The following JARID2 variants were observed in gnomAD, a reference collection of about 807,000 sequenced individuals.
JARID2 encodes protein Jumonji.
A neutral mutation model predicts 125.6 loss-of-function variants in JARID2; 21 were observed. The ratio of observed to expected loss-of-function variants is 0.17; its 90% CI spans 0.12 to 0.24. The LOEUF is 0.24. Ranked by LOEUF, JARID2 falls within the 10% of genes least tolerant of loss-of-function variation. The pLI, the probability that JARID2 is intolerant of heterozygous loss-of-function variation, is 1.00. For synonymous variants in JARID2, 736 were observed against 661.6 expected (o/e 1.11, Z -1.73); for missense variants, 1,303 against 1,639.6 (o/e 0.79, Z 3.55).
intron 3 of JARID2, among the ~76,000 whole-genome samples, chr6:15,420,828 G>A (rs781528416): frequency 2.0e-5 from 3 of 152,178 alleles, no homozygotes; most frequent in South Asian, 2.1e-4. Flanking sequence ...AAACCCTTAC[G>A]AGTATTTTAC....
At chr6:15,357,731 A>G (rs1235037230) in intron 1 of JARID2, among the ~76,000 whole-genome samples, 3 of 152,194 alleles carry the variant, frequency 2.0e-5, no homozygotes, top group African/African-American at 7.2e-5. Context: ...GGGATTTTAA[A>G]GAAACTCTTC....
intron 16 of JARID2, among the ~76,000 whole-genome samples, chr6:15,514,575 T>A (rs1434789169): frequency 6.6e-6 from 1 of 152,044 alleles, no homozygotes; most frequent in Non-Finnish European, 1.5e-5. Context: ...TCACCCCGAG[T>A]CCTGGCGTGC....
At chr6:15,492,710 C>G (rs1041000985) in intron 6 of JARID2, among the ~76,000 whole-genome samples, 1 of 152,146 alleles carries the variant, frequency 6.6e-6, no homozygotes, top group Non-Finnish European at 1.5e-5. Flanking sequence ...TCCCCTGTGG[C>G]CTCTCGTGGT....
At chr6:15,309,503 C>T (rs1761943501) in intron 1 of JARID2, among the ~76,000 whole-genome samples, 1 of 151,928 alleles carries the variant, frequency 6.6e-6, no homozygotes, top group South Asian at 2.1e-4. Context: ...AACGTCTGTT[C>T]CGTGCAGTCA....
At chr6:15,417,542 C>T (rs752325097) in intron 3 of JARID2, among the ~76,000 whole-genome samples, 5 of 152,142 alleles carry the variant, frequency 3.3e-5, no homozygotes, top group Non-Finnish European at 7.4e-5. Flanking sequence ...GTTGGAGAGA[C>T]CTGCGTGGGC....
chr6:15,328,726 C>T (rs551529358), intron 1 of JARID2, among the ~76,000 whole-genome samples: 4 of 152,206 alleles, frequency 2.6e-5, no homozygotes, highest in African/African-American at 7.2e-5. Flanking sequence ...GTAAGAGATT[C>T]AGATGGTCAA....
intron 1 of JARID2, among the ~76,000 whole-genome samples, chr6:15,263,969 T>C (rs1405605669): frequency 6.6e-6 from 1 of 152,212 alleles, no homozygotes; most frequent in African/African-American, 2.4e-5. Flanking sequence ...CGCAGCTCAC[T>C]GCAGCCTTAA....
rs1198409549 is a variant in JARID2 at position 15,520,660 on chromosome 6, A to AT, written c.*415dup. 3 of 308,554 alleles carry AT rather than the reference A, an allele frequency of 9.7e-6. No individual in the cohort carries two copies. The highest frequency in any genetic ancestry group is 4.7e-5 in the South Asian group (2 of 42,718). 19.1% of individuals were successfully genotyped at this position (308,554 alleles called of 1,614,324 possible). A position where few individuals can be genotyped will look rare whatever the true frequency, so the allele number is the denominator to read the frequency against. ...TAAAAACCATCAGTCATGTGAGCAG[A>AT]TTTTTTAGAAGGGATAGGAGACACA... On this transcript the variant is annotated 3_prime_UTR_variant, in exon 18 of 18. Coordinates refer to ENST00000341776, the MANE Select transcript of JARID2 (RefSeq NM_004973.4).
chr6:15,460,857 A>G (rs1361748590), intron 4 of JARID2, among the ~76,000 whole-genome samples: 1 of 152,044 alleles, frequency 6.6e-6, no homozygotes, highest in Non-Finnish European at 1.5e-5. Flanking sequence ...GACGTGCCCC[A>G]CCACACCCAG....
chr6:15,371,835 G>C (rs1764181718), intron 1 of JARID2, among the ~76,000 whole-genome samples: 1 of 152,190 alleles, frequency 6.6e-6, no homozygotes, highest in Non-Finnish European at 1.5e-5. Flanking sequence ...GTGGTCTGTG[G>C]ATGTTTTGGC....
chr6:15,316,561 GTC>G (rs1415119139), intron 1 of JARID2, among the ~76,000 whole-genome samples: 3 of 152,082 alleles, frequency 2.0e-5, no homozygotes, highest in Admixed American at 6.5e-5. Context: ...TTGAGATGGA[GTC>G]TCTCTCTGTC....
At chr6:15,366,509 CGGGGGGGGCGGGGGGGGTGGGGGGT>C (rs1763980594) in intron 1 of JARID2, among the ~76,000 whole-genome samples, 2 of 4,876 alleles carry the variant, frequency 4.1e-4, no homozygotes, top group Non-Finnish European at 7.2e-4. Context: ...GGGTGGGGGG[CGGGGGGGGCGGGGGGGGTGGGGGGT>C]GGGGTTGGCA....
At position 15,486,136 on chromosome 6, in the gene JARID2, T is replaced by TC. The variant is rs578221126; in HGVS notation, c.671-1170dup. On this transcript the variant is annotated intron_variant, in intron 5 of 17. Transcript: ENST00000341776. ...GATCACTATAGCTTCCCCTTGCTGA[T>TC]CTGCCTAAAGGCAACCCAGGAACAG... 1.8e-3 allele frequency among the ~76,000 whole-genome samples: 281 copies of TC among 152,334 alleles called. 3 individuals are homozygous for TC. The Middle Eastern group carries it at 0.024, about 13-fold the overall frequency.
At chr6:15,328,485 A>G (rs1762603952) in intron 1 of JARID2, among the ~76,000 whole-genome samples, 1 of 152,194 alleles carries the variant, frequency 6.6e-6, no homozygotes, top group Non-Finnish European at 1.5e-5. Flanking sequence ...AAAACTTATT[A>G]TCATTTAGTG....
At chr6:15,324,478 C>T (rs925108643) in intron 1 of JARID2, 1 of 151,994 alleles carries the variant, frequency 6.6e-6, no homozygotes, top group Non-Finnish European at 1.5e-5. Context: ...AGCACTATGA[C>T]CCCCCTCCTT....
chr6:15,246,680 AAC>A (rs1759193172), intron 1 of JARID2, 96 bp downstream of exon 1: 5 of 1,093,016 alleles, frequency 4.6e-6, no homozygotes, highest in Admixed American at 1.9e-5. Flanking sequence ...AAGGGTTTTA[AAC>A]ACAGCGTCCG....
chr6:15,335,344 C>T (rs1195234266), intron 1 of JARID2, among the ~76,000 whole-genome samples: 1 of 152,176 alleles, frequency 6.6e-6, no homozygotes, highest in Non-Finnish European at 1.5e-5. Flanking sequence ...AAGCGATCTG[C>T]CCACTTCGGC....
intron 1 of JARID2, among the ~76,000 whole-genome samples, chr6:15,335,748 C>G (rs1049042736): frequency 5.9e-5 from 9 of 152,172 alleles, no homozygotes; most frequent in African/African-American, 2.2e-4. Context: ...CTATGTGCTG[C>G]TCAGTGTTTC....
chr6:15,373,490 T>C (rs1764243877), intron 1 of JARID2, among the ~76,000 whole-genome samples: 1 of 152,202 alleles, frequency 6.6e-6, no homozygotes, highest in African/African-American at 2.4e-5. Flanking sequence ...AATGTGTACA[T>C]TAAAACAAAA....
Sources: allele counts gnomAD v4.1 joint callset (sites outside exome capture counted in the v4.1 genomes callset), GRCh38; gene constraint gnomAD v4.1.1; transcripts MANE v1.5; gene names NCBI Gene and HGNC (gene_info 2026-07-23, HGNC 2026-07-21).